WARS2: variants seen among roughly 807,000 people sequenced by gnomAD.
The protein encoded by WARS2 is tryptophanyl tRNA synthetase 2, mitochondrial.
Under a neutral mutation model 36.5 loss-of-function variants are expected in WARS2, and 28 were observed. The observed-to-expected ratio is 0.77, with a 90% confidence interval of 0.57 to 1.05. The LOEUF is 1.05. Ranked by LOEUF, WARS2 falls within the 50% of genes least tolerant of loss-of-function variation. The probability of loss-of-function intolerance (pLI) is 0.00; values close to 1 mark genes in which losing one functional copy is unlikely to be tolerated. For missense variants in WARS2, 435 were observed against 456.8 expected (o/e 0.95, Z 0.44); for synonymous variants, 174 against 178.4 (o/e 0.98, Z 0.20).
chr1:119,039,314 T>C (rs1886917), intron 4 of WARS2, among the ~76,000 whole-genome samples: 10,384 of 152,170 alleles, frequency 0.068, 474 homozygotes, highest in East Asian at 0.2. Flanking sequence ...CAACTATTTG[T>C]TGTTGTTTAA....
intron 1 of WARS2, among the ~76,000 whole-genome samples, chr1:119,115,635 T>C (rs1292543122): frequency 6.6e-6 from 1 of 152,186 alleles, no homozygotes; most frequent in Non-Finnish European, 1.5e-5. Flanking sequence ...TTCAGGGATA[T>C]ACAATACAAA....
At chr1:119,071,636 A>C (rs894495653) in intron 2 of WARS2, among the ~76,000 whole-genome samples, 1 of 152,186 alleles carries the variant, frequency 6.6e-6, no homozygotes, top group Non-Finnish European at 1.5e-5. Context: ...GAAATCTAAA[A>C]AATCGAGCTC....
chr1:119,054,225 TG>T (rs1649594835), intron 2 of WARS2, among the ~76,000 whole-genome samples: 1 of 151,742 alleles, frequency 6.6e-6, no homozygotes, highest in South Asian at 2.1e-4. Flanking sequence ...GATTGAAAAA[TG>T]GGCAAAGGAT....
chr1:119,032,069 G>C lies in WARS2; in HGVS notation c.*842C>G, dbSNP rs1217025909. ...CTATTCTTAAGAATAAGGGGTAAGG[G>C]TTTTACTCTCAGATTTGCTTCTCTT... On this transcript the variant is annotated 3_prime_UTR_variant, in exon 6 of 6. Transcript: ENST00000235521. 1.3e-5 allele frequency: 2 copies of C among 151,924 alleles called. No individual in the cohort carries two copies. Among genetic ancestry groups the C allele is most frequent in the Non-Finnish European group, 2.9e-5 (2 of 67,912 alleles). The allele number at this position is 151,924 out of a possible 1,614,324, so 9.4% of individuals were successfully genotyped here.
chr1:119,131,736 C>A (rs975555272), intron 1 of WARS2, among the ~76,000 whole-genome samples: 37 of 152,102 alleles, frequency 2.4e-4, no homozygotes, highest in African/African-American at 8.7e-4. Context: ...GCTGGGATTA[C>A]AGGCGTGAGC....
At chr1:119,051,870 T>C (rs1032124517) in intron 2 of WARS2, among the ~76,000 whole-genome samples, 1 of 150,376 alleles carries the variant, frequency 6.6e-6, no homozygotes, top group South Asian at 2.1e-4. Context: ...AGCATTCTCC[T>C]GCCTTACCCT....
At chr1:119,038,378 G>A (rs539909881) in intron 4 of WARS2, among the ~76,000 whole-genome samples, 1 of 152,284 alleles carries the variant, frequency 6.6e-6, no homozygotes, top group East Asian at 1.9e-4. Flanking sequence ...GCAGCTATAG[G>A]AAATCCAGCA....
chr1:119,034,270 T>C (rs1360877594), intron 4 of WARS2, 57 bp from the exon 5 acceptor site: 5 of 1,385,890 alleles, frequency 3.6e-6, no homozygotes, highest in Non-Finnish European at 4.1e-6. Context: ...GAGACAGAAA[T>C]GATATTGCAA....
At chr1:119,044,130 A>G (rs1290605465) in intron 3 of WARS2, among the ~76,000 whole-genome samples, 2 of 152,234 alleles carry the variant, frequency 1.3e-5, no homozygotes, top group African/African-American at 4.8e-5. Context: ...CTCACAGAAG[A>G]TATCACTAGT....
chr1:119,098,382 A>G (rs1653602952), intron 1 of WARS2, among the ~76,000 whole-genome samples: 1 of 152,202 alleles, frequency 6.6e-6, no homozygotes, highest in South Asian at 2.1e-4. Flanking sequence ...AAGTAATCTC[A>G]CTTTAAAGTT....
chr1:119,046,285 G>GTT lies in WARS2; in HGVS notation c.349-625_349-624dup, dbSNP rs71070781. 9.5e-4 allele frequency among the ~76,000 whole-genome samples: 96 copies of GTT among 101,516 alleles called. 2 individuals are homozygous for GTT. Among genetic ancestry groups the GTT allele is most frequent in the African/African-American group, 3.0e-3 (84 of 27,674 alleles). 66.6% of individuals were successfully genotyped at this position (101,516 alleles called of 152,430 possible). On this transcript the variant is annotated intron_variant, in intron 2 of 5. Coordinates refer to ENST00000235521, the MANE Select transcript of WARS2 (RefSeq NM_015836.4). Reference sequence around the variant, plus strand: ...TTTCATCTTCCTCTCCTCCTTTTCTGTTTTTTTTTTTTTTTTTTTTTTTTA... The same window carrying GTT: ...TTTCATCTTCCTCTCCTCCTTTTCTGTTTTTTTTTTTTTTTTTTTTTTTTTTA...
chr1:119,064,415 G>A (rs1307678026), intron 2 of WARS2: 2 of 152,218 alleles, frequency 1.3e-5, no homozygotes, highest in Non-Finnish European at 2.9e-5. Flanking sequence ...TTAAGACTTT[G>A]GGGGACTGTT....
intron 2 of WARS2, among the ~76,000 whole-genome samples, chr1:119,073,992 T>G (rs1196274280): frequency 1.3e-5 from 2 of 152,226 alleles, no homozygotes; most frequent in Non-Finnish European, 1.5e-5. Flanking sequence ...TTGTGGAGAT[T>G]AGACATTCAT....
chr1:119,063,510 C>A (rs1292770642), intron 2 of WARS2: 3 of 152,152 alleles, frequency 2.0e-5, no homozygotes, highest in African/African-American at 7.2e-5. Flanking sequence ...CAGGCCATGT[C>A]AGAGACCTTC....
At chr1:119,043,607 C>A (rs970987933) in intron 3 of WARS2, among the ~76,000 whole-genome samples, 3 of 152,172 alleles carry the variant, frequency 2.0e-5, no homozygotes, top group African/African-American at 7.2e-5. Flanking sequence ...TTCACTACAT[C>A]CCCTAATTAC....
intron 2 of WARS2, among the ~76,000 whole-genome samples, chr1:119,054,929 G>T (rs553353251): frequency 6.6e-6 from 1 of 152,100 alleles, no homozygotes; most frequent in Admixed American, 6.5e-5. Context: ...TGTTTAATGG[G>T]TATAGAATTT....
chr1:119,047,432 C>T (rs1163685890), intron 2 of WARS2: 1 of 152,152 alleles, frequency 6.6e-6, no homozygotes, highest in Non-Finnish European at 1.5e-5. Flanking sequence ...CACTATGTCT[C>T]CACGAAGCTG....
At chr1:119,089,308 G>A (rs1000799415) in intron 1 of WARS2, among the ~76,000 whole-genome samples, 1 of 152,118 alleles carries the variant, frequency 6.6e-6, no homozygotes, top group African/African-American at 2.4e-5. Flanking sequence ...AGACTACAGG[G>A]TGTTCCAACC....
intron 1 of WARS2, among the ~76,000 whole-genome samples, chr1:119,136,135 T>C (rs1656493340): frequency 6.6e-6 from 1 of 152,090 alleles, no homozygotes; most frequent in Admixed American, 6.6e-5. Context: ...TCTGTGTGTG[T>C]GTGTGTGTGT....
Sources: gnomAD v4.1 joint callset for allele counts (sites outside exome capture counted in the v4.1 genomes callset) on GRCh38, gnomAD v4.1.1 for gene constraint, MANE v1.5 for transcripts, NCBI Gene and HGNC (gene_info 2026-07-23, HGNC 2026-07-21) for gene names.